RBMS3: variants seen among roughly 807,000 people sequenced by gnomAD.
RBMS3 encodes RNA binding motif single stranded interacting protein 3, also known as RNA-binding motif, single-stranded-interacting protein 3.
Under a neutral mutation model 66.8 loss-of-function variants are expected in RBMS3, and 27 were observed. That is an observed-to-expected ratio of 0.40 (90% CI 0.30 to 0.56). The LOEUF (loss-of-function observed/expected upper bound fraction) is 0.56, where lower values mean the gene tolerates loss of function less well. Among genes scored for constraint, RBMS3 ranks in the 20% least tolerant of loss-of-function variants. The pLI, the probability that RBMS3 is intolerant of heterozygous loss-of-function variation, is 0.40. For synonymous variants in RBMS3, 188 were observed against 183.0 expected (o/e 1.03, Z -0.22); for missense variants, 513 against 549.5 (o/e 0.93, Z 0.66).
intron 12 of RBMS3, among the ~76,000 whole-genome samples, chr3:29,964,657 G>A (rs933790433): frequency 6.6e-6 from 1 of 151,996 alleles, no homozygotes; most frequent in Admixed American, 6.6e-5. Context: ...CCTTCTTGGG[G>A]GCCAATTGTA....
chr3:29,659,356 A>C (rs2050445987), intron 4 of RBMS3, among the ~76,000 whole-genome samples: 1 of 152,060 alleles, frequency 6.6e-6, no homozygotes, highest in South Asian at 2.1e-4. Context: ...TTAAAACTAA[A>C]ACTCCATACC....
intron 1 of RBMS3, among the ~76,000 whole-genome samples, chr3:29,407,445 T>C (rs2040075318): frequency 6.6e-6 from 1 of 152,212 alleles, no homozygotes; most frequent in African/African-American, 2.4e-5. Context: ...TTCTTATCAA[T>C]CTACTCATGA....
chr3:29,680,917 G>A (rs2051458607), intron 4 of RBMS3, among the ~76,000 whole-genome samples: 1 of 152,148 alleles, frequency 6.6e-6, no homozygotes, highest in South Asian at 2.1e-4. Flanking sequence ...TTTACCAAAT[G>A]TATTTACCTG....
chr3:29,806,126 T>G (rs1482776501), intron 6 of RBMS3, among the ~76,000 whole-genome samples: 1 of 152,030 alleles, frequency 6.6e-6, no homozygotes, highest in Admixed American at 6.6e-5. Context: ...AAAAACCTAT[T>G]TGATGCATGA....
At chr3:29,416,027 T>C (rs1033626532) in intron 1 of RBMS3, among the ~76,000 whole-genome samples, 2 of 152,150 alleles carry the variant, frequency 1.3e-5, no homozygotes, top group African/African-American at 4.8e-5. Flanking sequence ...AGGAAAAGCA[T>C]GGCCTCTGAC....
intron 2 of RBMS3, among the ~76,000 whole-genome samples, chr3:29,448,270 C>A (rs1049283531): frequency 6.6e-6 from 1 of 152,188 alleles, no homozygotes; most frequent in Admixed American, 6.5e-5. Flanking sequence ...CAGAGTATGA[C>A]TGTAAAAGGC....
intron 7 of RBMS3, among the ~76,000 whole-genome samples, chr3:29,869,643 T>G (rs987164009): frequency 1.3e-5 from 2 of 152,136 alleles, no homozygotes; most frequent in African/African-American, 4.8e-5. Context: ...ATGGATCCAG[T>G]GCCACTTAGG....
chr3:29,352,756 C>T (rs997288787), intron 1 of RBMS3, among the ~76,000 whole-genome samples: 1 of 151,980 alleles, frequency 6.6e-6, no homozygotes, highest in East Asian at 1.9e-4. Context: ...ATAAACACTT[C>T]CCACCCTGTA....
rs2057443591 is a variant in RBMS3 at position 29,803,256 on chromosome 3, C to T, written c.637+40267C>T. Among the ~76,000 whole-genome samples, 6 of 152,232 alleles carry T rather than the reference C, an allele frequency of 3.9e-5. No homozygotes were observed. The South Asian group carries it at 1.2e-3, about 32-fold the overall frequency. On this transcript the variant is annotated intron_variant, in intron 6 of 14. Transcript: ENST00000383767. ...CTTAGGGACTTCAAATCAGTATTTT[C>T]ACCTGCATAATGTATGATAATAACC...
At chr3:29,296,275 A>T (rs116487617) in intron 1 of RBMS3, among the ~76,000 whole-genome samples, 7,246 of 151,892 alleles carry the variant, frequency 0.048, 224 homozygotes, top group South Asian at 0.076. Flanking sequence ...TTCCTAATAA[A>T]TTTCAAAGCC....
intron 1 of RBMS3, among the ~76,000 whole-genome samples, chr3:29,342,020 A>G (rs918231842): frequency 6.6e-6 from 1 of 152,142 alleles, no homozygotes; most frequent in East Asian, 1.9e-4. Context: ...ATTTAGTCAG[A>G]TTGCATCCCT....
intron 1 of RBMS3, among the ~76,000 whole-genome samples, chr3:29,343,193 G>A (rs1253580302): frequency 6.6e-6 from 1 of 152,024 alleles, no homozygotes; most frequent in Non-Finnish European, 1.5e-5. Flanking sequence ...TATGAGTTGT[G>A]GTCTGAGCGA....
intron 1 of RBMS3, among the ~76,000 whole-genome samples, chr3:29,283,273 TAC>T (rs2031975629): frequency 6.6e-6 from 1 of 152,198 alleles, no homozygotes; most frequent in Admixed American, 6.5e-5. Context: ...TTTCAAAAAT[TAC>T]ACTTTGTTTC....
chr3:29,583,023 T>C (rs1258125911), intron 3 of RBMS3, among the ~76,000 whole-genome samples: 1 of 152,146 alleles, frequency 6.6e-6, no homozygotes, highest in Non-Finnish European at 1.5e-5. Context: ...TTATGAAGCC[T>C]TTATCCCCCT....
intron 4 of RBMS3, among the ~76,000 whole-genome samples, chr3:29,704,643 G>C (rs139963127): frequency 5.3e-5 from 8 of 152,062 alleles, no homozygotes; most frequent in Non-Finnish European, 1.2e-4. Context: ...ACCAATGTTG[G>C]ATCATTTATT....
intron 4 of RBMS3, among the ~76,000 whole-genome samples, chr3:29,645,318 A>G (rs533354360): frequency 1.3e-5 from 2 of 152,288 alleles, no homozygotes; most frequent in African/African-American, 4.8e-5. Flanking sequence ...TCTCTGTTCA[A>G]ATTAATATCT....
Position 29,368,068 on chromosome 3 carries a change from T to A in RBMS3, c.76-66675T>A, listed in dbSNP as rs114161321. 5.4e-3 allele frequency among the ~76,000 whole-genome samples: 819 copies of A among 152,332 alleles called. 4 individuals are homozygous for A. The highest frequency in any genetic ancestry group is 0.019 in the African/African-American group (791 of 41,580). ...AAACTGTAACTAGCTCTTCACATCC[T>A]GCATTAGTAGTCAGATAATTGTAAA... On this transcript the variant is annotated intron_variant, in intron 1 of 14. Transcript: ENST00000383767.
chr3:29,398,791 C>T (rs57953429), intron 1 of RBMS3, among the ~76,000 whole-genome samples: 3,101 of 151,980 alleles, frequency 0.02, 122 homozygotes, highest in African/African-American at 0.071. Flanking sequence ...ACTAAAAGTG[C>T]GAACCTCAAC....
chr3:29,436,398 C>T (rs996344947), intron 2 of RBMS3, among the ~76,000 whole-genome samples: 1 of 151,980 alleles, frequency 6.6e-6, no homozygotes, highest in Non-Finnish European at 1.5e-5. Context: ...AAAGGCAAGG[C>T]GGAACCTTGA....
Sources: allele counts gnomAD v4.1 joint callset (sites outside exome capture counted in the v4.1 genomes callset), GRCh38; gene constraint gnomAD v4.1.1; transcripts MANE v1.5; gene names NCBI Gene and HGNC (gene_info 2026-07-23, HGNC 2026-07-21).